Variants in SORCS2 observed in about 807,000 individuals in gnomAD.
SORCS2 encodes the protein sortilin related VPS10 domain containing receptor 2.
SORCS2 carries 100 observed loss-of-function variants against 141.6 expected under a neutral mutation model. That is an observed-to-expected ratio of 0.71 (90% confidence interval 0.60 to 0.83). The LOEUF (loss-of-function observed/expected upper bound fraction) is 0.83. Ranked by LOEUF, SORCS2 falls within the 40% of genes least tolerant of loss-of-function variation. SORCS2 has a pLI of 0.00. For synonymous variants in SORCS2, 789 were observed against 676.9 expected, an observed-to-expected ratio of 1.17 and a Z score of -2.57; for missense variants, 1,646 against 1,560.2, an observed-to-expected ratio of 1.05 and a Z score of -0.93.
chr4:7,703,396 G>A lies in SORCS2; in HGVS notation c.1760+25G>A, dbSNP rs564617270. 36 of 1,587,334 alleles carry A rather than the reference G, an allele frequency of 2.3e-5. No homozygotes were observed. In the South Asian group the frequency reaches 3.8e-4, roughly 17 times the overall value. Reference sequence around the variant, plus strand: ...AGTAATGGCGTCTGCTAGCCCCGGGGCAGGGAGGGCAGGCTGGGGCTCTTT... The same window carrying A: ...AGTAATGGCGTCTGCTAGCCCCGGGACAGGGAGGGCAGGCTGGGGCTCTTT... On this transcript the variant is annotated intron_variant, in intron 13 of 26. Transcript: ENST00000507866.
intron 1 of SORCS2, among the ~76,000 whole-genome samples, chr4:7,376,339 A>C (rs543259381): frequency 2.8e-4 from 43 of 152,076 alleles, no homozygotes; most frequent in Non-Finnish European, 5.7e-4. Context: ...CACTTTGGGA[A>C]GCCAAGGCTG....
At chr4:7,597,774 C>G (rs1201515777) in intron 3 of SORCS2, among the ~76,000 whole-genome samples, 1 of 151,922 alleles carries the variant, frequency 6.6e-6, no homozygotes, top group African/African-American at 2.4e-5. Flanking sequence ...ACATTGAGAT[C>G]TATAAGCAGC....
At chr4:7,704,113 A>G in intron 13 of SORCS2, 64 bp from the exon 14 acceptor site, 1 of 1,480,512 alleles carries the variant, frequency 6.8e-7, no homozygotes. Context: ...CCCGCCGGGC[A>G]GAGTCCCAGA....
intron 12 of SORCS2, among the ~76,000 whole-genome samples, chr4:7,699,257 G>T (rs2109007126): frequency 6.6e-6 from 1 of 152,286 alleles, no homozygotes; most frequent in African/African-American, 2.4e-5. Flanking sequence ...CGTCTGAAGA[G>T]CCTGCAGCCT....
intron 3 of SORCS2, among the ~76,000 whole-genome samples, chr4:7,610,502 C>A (rs926332195): frequency 1.3e-5 from 2 of 152,170 alleles, no homozygotes; most frequent in East Asian, 3.9e-4. Context: ...AGAGTCAACA[C>A]CGGGCCGGGG....
At chr4:7,262,121 A>G (rs1037371803) in intron 1 of SORCS2, among the ~76,000 whole-genome samples, 1 of 151,820 alleles carries the variant, frequency 6.6e-6, no homozygotes, top group African/African-American at 2.4e-5. Context: ...AAAAGGTCTC[A>G]GCAGAAATGA....
At chr4:7,245,284 G>C (rs185950278) in intron 1 of SORCS2, among the ~76,000 whole-genome samples, 3 of 152,164 alleles carry the variant, frequency 2.0e-5, no homozygotes, top group Non-Finnish European at 4.4e-5. Flanking sequence ...CCCCCACCCC[G>C]GCTTGGCTTA....
intron 1 of SORCS2, among the ~76,000 whole-genome samples, chr4:7,370,245 C>G (rs573163458): frequency 2.0e-5 from 3 of 152,338 alleles, no homozygotes; most frequent in Admixed American, 6.5e-5. Context: ...CCAGCCCAGG[C>G]TCTGCTCACA....
chr4:7,709,679 G>T (rs781143298), intron 14 of SORCS2, among the ~76,000 whole-genome samples: 4 of 152,160 alleles, frequency 2.6e-5, no homozygotes, highest in Non-Finnish European at 5.9e-5. Context: ...ACAGCCACAG[G>T]CTCAGCTTTC....
chr4:7,682,840 T>C lies in SORCS2; in HGVS notation c.1439T>C (p.Leu480Pro). Residue 480 changes from leucine to proline, a missense_variant, in exon 10 of 27, where the codon CTG becomes CCG. Leu to Pro is a moderately conservative substitution (Grantham distance 98). Transcript: ENST00000507866. ...TYNKGRDWDYLRPPSMDMNGK... is the reference protein window; with the variant it reads ...TYNKGRDWDYPRPPSMDMNGK... The stretch of plus-strand genomic sequence containing the variant: ...AACAAGGGCCGCGACTGGGATTACC[T>C]GAGGCCACCCAGCATGGACATGAAT... 6.2e-7 allele frequency: 1 copy of C among 1,613,270 alleles called. No individual in the cohort carries two copies. The highest frequency in any genetic ancestry group is 1.1e-5 in the South Asian group (1 of 90,824).
intron 5 of SORCS2, among the ~76,000 whole-genome samples, chr4:7,654,880 C>G (rs545767237): frequency 6.6e-6 from 1 of 152,194 alleles, no homozygotes; most frequent in African/African-American, 2.4e-5. Context: ...CCCTGTGTTC[C>G]GATGGTGGGT....
chr4:7,208,940 C>T (rs985107675), intron 1 of SORCS2, among the ~76,000 whole-genome samples: 2 of 152,192 alleles, frequency 1.3e-5, no homozygotes, highest in African/African-American at 4.8e-5. Flanking sequence ...GAGGGCCCCA[C>T]CTTTCCAGCA....
At chr4:7,309,295 T>G (rs1334606252) in intron 1 of SORCS2, among the ~76,000 whole-genome samples, 1 of 152,208 alleles carries the variant, frequency 6.6e-6, no homozygotes, top group Non-Finnish European at 1.5e-5. Context: ...TCAGGCTTCC[T>G]GACTTCTGGT....
intron 1 of SORCS2, among the ~76,000 whole-genome samples, chr4:7,317,443 G>A (rs938488955): frequency 2.6e-5 from 4 of 152,314 alleles, no homozygotes; most frequent in South Asian, 2.1e-4. Flanking sequence ...TGATTGGTGC[G>A]ATGTTCCAGG....
At chr4:7,425,773 C>G (rs1207133618) in intron 2 of SORCS2, among the ~76,000 whole-genome samples, 1 of 152,240 alleles carries the variant, frequency 6.6e-6, no homozygotes, top group Non-Finnish European at 1.5e-5. Flanking sequence ...CATGACCAGC[C>G]TGGGGTCCCC....
At chr4:7,418,829 C>T (rs746968710) in intron 2 of SORCS2, among the ~76,000 whole-genome samples, 24 of 152,104 alleles carry the variant, frequency 1.6e-4, no homozygotes, top group Middle Eastern at 3.4e-3. Flanking sequence ...CTCAATCTTA[C>T]ATCTGTAGTA....
At chr4:7,654,105 A>AG in intron 4 of SORCS2, 29 bp from the exon 5 acceptor site, 1 of 1,553,596 alleles carries the variant, frequency 6.4e-7, no homozygotes, top group East Asian at 2.4e-5. Flanking sequence ...GTCCTGACCA[A>AG]GCTTTTGTTT....
intron 1 of SORCS2, among the ~76,000 whole-genome samples, chr4:7,380,395 CAGGTAGCG>C (rs1382694030): frequency 6.6e-6 from 1 of 152,222 alleles, no homozygotes; most frequent in Non-Finnish European, 1.5e-5. Context: ...TTGCACTGGA[CAGGTAGCG>C]AGCTCCCCGT....
intron 2 of SORCS2, among the ~76,000 whole-genome samples, chr4:7,503,551 G>T (rs1386431201): frequency 1.3e-5 from 2 of 152,196 alleles, no homozygotes; most frequent in Non-Finnish European, 2.9e-5. Flanking sequence ...GCAGGAGCTG[G>T]AGATCTCTAT....
Sources: allele counts gnomAD v4.1 joint callset (sites outside exome capture counted in the v4.1 genomes callset), GRCh38; gene constraint gnomAD v4.1.1; transcripts MANE v1.5; gene names NCBI Gene and HGNC (gene_info 2026-07-23, HGNC 2026-07-21).